Variants in RAP1GDS1 observed in about 807,000 individuals in gnomAD.
RAP1GDS1 encodes the protein RAP1, GTP-GDP dissociation stimulator 1.
A neutral mutation model predicts 71.1 loss-of-function variants in RAP1GDS1; 35 were observed. That is an observed-to-expected ratio of 0.49 (90% CI 0.38 to 0.65). The LOEUF (loss-of-function observed/expected upper bound fraction) is 0.65, where lower values mean the gene tolerates loss of function less well. Among genes scored for constraint, RAP1GDS1 ranks in the 30% least tolerant of loss-of-function variants. The probability of loss-of-function intolerance (pLI) is 0.00; values close to 1 mark genes in which losing one functional copy is unlikely to be tolerated. For synonymous variants in RAP1GDS1, 229 were observed against 243.1 expected (o/e 0.94, Z 0.54); for missense variants, 663 against 706.1 (o/e 0.94, Z 0.69).
At chr4:98,287,946 A>G (rs756713801) in intron 1 of RAP1GDS1, among the ~76,000 whole-genome samples, 2 of 152,102 alleles carry the variant, frequency 1.3e-5, no homozygotes, top group Non-Finnish European at 2.9e-5. Flanking sequence ...TTAATTTTCA[A>G]TTTTATTGGG....
At chr4:98,347,431 CTTTTTA>C (rs1736450451) in intron 3 of RAP1GDS1, among the ~76,000 whole-genome samples, 1 of 152,102 alleles carries the variant, frequency 6.6e-6, no homozygotes, top group Non-Finnish European at 1.5e-5. Context: ...TGGAAATCAA[CTTTTTA>C]TTTTTATTGA....
At chr4:98,328,219 G>T (rs1406984964) in intron 2 of RAP1GDS1, among the ~76,000 whole-genome samples, 1 of 152,100 alleles carries the variant, frequency 6.6e-6, no homozygotes, top group African/African-American at 2.4e-5. Flanking sequence ...TATTTAACCA[G>T]TTGATACAAA....
chr4:98,368,278 C>G (rs531097047), intron 4 of RAP1GDS1, among the ~76,000 whole-genome samples: 106 of 152,296 alleles, frequency 7.0e-4, no homozygotes, highest in Middle Eastern at 3.4e-3. Flanking sequence ...CCATGCGGAA[C>G]TATAAGACCA....
At chr4:98,325,450 C>T (rs1448902568) in intron 2 of RAP1GDS1, among the ~76,000 whole-genome samples, 2 of 151,846 alleles carry the variant, frequency 1.3e-5, no homozygotes, top group Non-Finnish European at 2.9e-5. Flanking sequence ...ATAAATCATG[C>T]TGCTATAAAG....
At chr4:98,350,118 A>G (rs1243543253) in intron 3 of RAP1GDS1, among the ~76,000 whole-genome samples, 2 of 152,206 alleles carry the variant, frequency 1.3e-5, no homozygotes, top group Non-Finnish European at 2.9e-5. Context: ...TTCCAAGAAT[A>G]CTTGAAGCTA....
intron 2 of RAP1GDS1, among the ~76,000 whole-genome samples, chr4:98,340,793 A>G (rs1735393166): frequency 6.6e-6 from 1 of 151,928 alleles, no homozygotes; most frequent in South Asian, 2.1e-4. Flanking sequence ...ATATGTAAAT[A>G]TATATATAAA....
intron 4 of RAP1GDS1, among the ~76,000 whole-genome samples, chr4:98,363,190 A>G (rs975039362): frequency 3.9e-5 from 6 of 152,080 alleles, no homozygotes; most frequent in Admixed American, 2.0e-4. Context: ...TATTCCTTAT[A>G]GAAGTAGAGT....
chr4:98,369,246 G>A (rs966962316), intron 4 of RAP1GDS1, among the ~76,000 whole-genome samples: 9 of 152,150 alleles, frequency 5.9e-5, no homozygotes, highest in African/African-American at 1.7e-4. Context: ...AGATTTGGGT[G>A]GGGACACAGC....
At chr4:98,327,838 C>T (rs1367462109) in intron 2 of RAP1GDS1, among the ~76,000 whole-genome samples, 1 of 152,114 alleles carries the variant, frequency 6.6e-6, no homozygotes, top group Admixed American at 6.6e-5. Flanking sequence ...TATCTGGAGA[C>T]CATCATTAAG....
chr4:98,291,864 A>G (rs1309599317), intron 1 of RAP1GDS1, among the ~76,000 whole-genome samples: 1 of 152,156 alleles, frequency 6.6e-6, no homozygotes, highest in Non-Finnish European at 1.5e-5. Flanking sequence ...TGGAAAATGG[A>G]AGCTTTCATA....
intron 4 of RAP1GDS1, among the ~76,000 whole-genome samples, chr4:98,361,663 C>T (rs145228965): frequency 9.4e-4 from 143 of 152,280 alleles, no homozygotes; most frequent in African/African-American, 3.1e-3. Context: ...CTGTGTCCAT[C>T]AAATGCTGGG....
At chr4:98,342,454 A>G (rs1409845447) in intron 2 of RAP1GDS1, among the ~76,000 whole-genome samples, 3 of 151,968 alleles carry the variant, frequency 2.0e-5, no homozygotes, top group East Asian at 3.9e-4. Flanking sequence ...TTCTTTCAGT[A>G]ACATACATGA....
chr4:98,313,129 A>G (rs1051544632), intron 2 of RAP1GDS1, among the ~76,000 whole-genome samples: 2 of 151,134 alleles, frequency 1.3e-5, no homozygotes, highest in Admixed American at 6.6e-5. Flanking sequence ...GGGGGTTGCA[A>G]GTCCAAATCT....
intron 3 of RAP1GDS1, among the ~76,000 whole-genome samples, chr4:98,350,971 A>G (rs1202854504): frequency 6.6e-6 from 1 of 152,206 alleles, no homozygotes; most frequent in Non-Finnish European, 1.5e-5. Context: ...TTATCATGCC[A>G]TTACATTCCA....
rs1026056126 is a variant in RAP1GDS1, at chr4:98,442,251, T to C, written c.*134T>C. 1.3e-4 allele frequency: 161 copies of C among 1,209,758 alleles called. No individual in the cohort carries two copies. The Middle Eastern group carries it at 3.1e-3, about 24-fold the overall frequency. The allele number at this position is 1,209,758 out of a possible 1,614,324, so 74.9% of individuals were successfully genotyped here. On this transcript the variant is annotated 3_prime_UTR_variant, in exon 15 of 15. Coordinates refer to ENST00000408927, the MANE Select transcript of RAP1GDS1 (RefSeq NM_001100427.2). ...GTTCTAATACCAATTGAAGAACCGC[T>C]GTAGGTACCTCCCTAATAAGATTTC...
chr4:98,338,970 C>G (rs1278286674), intron 2 of RAP1GDS1, among the ~76,000 whole-genome samples: 2 of 152,148 alleles, frequency 1.3e-5, no homozygotes, highest in African/African-American at 2.4e-5. Context: ...GAGCCTTTCT[C>G]AAGCTATAAC....
At chr4:98,367,640 C>G (rs1487278512) in intron 4 of RAP1GDS1, among the ~76,000 whole-genome samples, 2 of 152,216 alleles carry the variant, frequency 1.3e-5, no homozygotes, top group African/African-American at 4.8e-5. Flanking sequence ...ACCATGGGAA[C>G]CTACCTCTTG....
At chr4:98,315,073 A>G (rs1214203474) in intron 2 of RAP1GDS1, among the ~76,000 whole-genome samples, 1 of 152,158 alleles carries the variant, frequency 6.6e-6, no homozygotes, top group African/African-American at 2.4e-5. Flanking sequence ...TCCTTGTAGA[A>G]TGTATTTTTC....
intron 2 of RAP1GDS1, chr4:98,297,135 A>T (rs1247869406): frequency 6.5e-6 from 1 of 155,004 alleles, no homozygotes; most frequent in Non-Finnish European, 1.4e-5. Flanking sequence ...CTGCGTGTTT[A>T]CTTGTCTTTA....
Sources: allele counts gnomAD v4.1 joint callset (sites outside exome capture counted in the v4.1 genomes callset), GRCh38; gene constraint gnomAD v4.1.1; transcripts MANE v1.5; gene names NCBI Gene and HGNC (gene_info 2026-07-23, HGNC 2026-07-21).